DOCK5: variants seen among roughly 807,000 people sequenced by gnomAD.
The protein encoded by DOCK5 is dedicator of cytokinesis protein 5.
A neutral mutation model predicts 251.8 loss-of-function variants in DOCK5; 142 were observed. That is an observed-to-expected ratio of 0.56 (90% CI 0.49 to 0.65). The LOEUF (loss-of-function observed/expected upper bound fraction) is 0.65. DOCK5 is among the 30% of genes least tolerant of loss of function. The probability of loss-of-function intolerance (pLI) is 0.00; values close to 1 mark genes in which losing one functional copy is unlikely to be tolerated. For missense variants in DOCK5, 2,111 were observed against 2,312.3 expected, an observed-to-expected ratio of 0.91 and a Z score of 1.79; for synonymous variants, 842 against 835.5, an observed-to-expected ratio of 1.01 and a Z score of -0.13.
intron 1 of DOCK5, among the ~76,000 whole-genome samples, chr8:25,205,017 A>C (rs1801966934): frequency 1.5e-5 from 2 of 130,946 alleles, no homozygotes; most frequent in Non-Finnish European, 3.4e-5. Flanking sequence ...TCATGAGGGG[A>C]TTAGTGCTTT....
chr8:25,259,567 C>G (rs1185926360), intron 2 of DOCK5, among the ~76,000 whole-genome samples: 1 of 152,144 alleles, frequency 6.6e-6, no homozygotes, highest in Non-Finnish European at 1.5e-5. Flanking sequence ...GTGATCCTCC[C>G]GCCTCAGCTT....
intron 32 of DOCK5, 52 bp from the exon 33 acceptor site, chr8:25,368,519 C>T (rs2117279643): frequency 6.5e-7 from 1 of 1,547,872 alleles, no homozygotes; most frequent in South Asian, 1.2e-5. Context: ...GATTTTAACA[C>T]TTTACTTTCA....
chr8:25,278,765 G>T, intron 5 of DOCK5, 100 bp downstream of exon 5: 1 of 1,048,684 alleles, frequency 9.5e-7, no homozygotes, highest in Non-Finnish European at 1.4e-6. Flanking sequence ...ACTTCATGGA[G>T]TGGGATGCAT....
In DOCK5 at chr8:25,211,019, C is replaced by G. The variant is rs961792091; in HGVS notation, c.43+26068C>G. Among the ~76,000 whole-genome samples the G allele has an allele frequency of 1.6e-4, 11 of 70,252 alleles. 3 individuals are homozygous for G. The highest frequency in any genetic ancestry group is 4.8e-4 in the Admixed American group (3 of 6,282). 46.1% of individuals were successfully genotyped at this position (70,252 alleles called of 152,430 possible). Reference sequence around the variant, plus strand: ...TAATAATGGTTATTGATAAGCCACCCATTCATTTCATAGGCTTGGTTCATT... The same window carrying G: ...TAATAATGGTTATTGATAAGCCACCGATTCATTTCATAGGCTTGGTTCATT... On this transcript the variant is annotated intron_variant, in intron 1 of 51. Coordinates refer to ENST00000276440, the MANE Select transcript of DOCK5 (RefSeq NM_024940.8).
chr8:25,197,869 G>A (rs565483804), intron 1 of DOCK5, among the ~76,000 whole-genome samples: 185 of 151,346 alleles, frequency 1.2e-3, no homozygotes, highest in African/African-American at 4.3e-3. Flanking sequence ...TCCTGCCTCA[G>A]CCTCCTGAGC....
chr8:25,297,685 A>G (rs1196804379), intron 7 of DOCK5, among the ~76,000 whole-genome samples: 1 of 152,170 alleles, frequency 6.6e-6, no homozygotes. Flanking sequence ...CACTGCACCC[A>G]GGCTAAAATA....
intron 2 of DOCK5, among the ~76,000 whole-genome samples, chr8:25,266,061 T>C (rs536304585): frequency 6.6e-6 from 1 of 151,948 alleles, no homozygotes; most frequent in East Asian, 1.9e-4. Context: ...TTCCCCTAAA[T>C]GTAGGCAAGA....
intron 47 of DOCK5, among the ~76,000 whole-genome samples, chr8:25,403,324 T>C (rs1403037596): frequency 6.6e-6 from 1 of 152,202 alleles, no homozygotes; most frequent in Non-Finnish European, 1.5e-5. Context: ...CAACTTTTTC[T>C]CTAGTCTTAG....
chr8:25,270,860 G>A (rs547118608), intron 3 of DOCK5: 5 of 703,474 alleles, frequency 7.1e-6, no homozygotes, highest in Admixed American at 4.0e-5. Flanking sequence ...AAATGGCATA[G>A]TATTTGCATA....
intron 1 of DOCK5, among the ~76,000 whole-genome samples, chr8:25,188,339 G>A (rs1057102664): frequency 6.6e-5 from 10 of 152,234 alleles, no homozygotes; most frequent in Non-Finnish European, 1.2e-4. Flanking sequence ...TTCTCTAAGT[G>A]TGTACTGGTC....
chr8:25,279,704 G>A (rs902917076), intron 5 of DOCK5, among the ~76,000 whole-genome samples: 1 of 151,782 alleles, frequency 6.6e-6, no homozygotes. Context: ...TGCAACCTCC[G>A]CCTCCCAAGT....
chr8:25,383,512 T>G (rs898032952), intron 40 of DOCK5, among the ~76,000 whole-genome samples: 8 of 152,192 alleles, frequency 5.3e-5, no homozygotes, highest in African/African-American at 1.9e-4. Flanking sequence ...CTCATGGATT[T>G]TACAACCTAA....
chr8:25,222,895 C>T (rs1054456683), intron 1 of DOCK5, among the ~76,000 whole-genome samples: 3 of 152,328 alleles, frequency 2.0e-5, no homozygotes, highest in Non-Finnish European at 4.4e-5. Context: ...TTGGCAGCTA[C>T]GTCGCCAGCA....
intron 13 of DOCK5, among the ~76,000 whole-genome samples, chr8:25,314,954 C>A (rs1213081164): frequency 6.7e-6 from 1 of 149,550 alleles, no homozygotes; most frequent in Non-Finnish European, 1.5e-5. Flanking sequence ...ACGATGACCT[C>A]TTCCCTGGAC....
At chr8:25,235,325 A>G (rs1802767992) in intron 1 of DOCK5, among the ~76,000 whole-genome samples, 1 of 152,124 alleles carries the variant, frequency 6.6e-6, no homozygotes, top group African/African-American at 2.4e-5. Flanking sequence ...GACTGCTACA[A>G]TCTCAGCTCA....
intron 8 of DOCK5, 46 bp downstream of exon 8, chr8:25,299,147 C>T (rs781647909): frequency 2.8e-5 from 44 of 1,591,378 alleles, no homozygotes; most frequent in Non-Finnish European, 3.2e-5. Context: ...CAAAGATACC[C>T]AGCCTTCCCC....
rs781712376 is a variant in DOCK5 at position 25,372,586 on chromosome 8, A to C, written c.3552A>C (p.Lys1184Asn). 1.3e-6 allele frequency: 2 copies of C among 1,586,142 alleles called. No homozygotes were observed. Among genetic ancestry groups the C allele is most frequent in the South Asian group, 2.3e-5 (2 of 85,850 alleles). ...KLLLEHCRKH[K>N]YLSSSGEVFA... Reference sequence around the variant, plus strand: ...TCCTAGAACATTGCCGGAAACACAAATACCTCTCCAGCTCTGGGGAGGTCT... The same window carrying C: ...TCCTAGAACATTGCCGGAAACACAACTACCTCTCCAGCTCTGGGGAGGTCT... The change falls in exon 35 of 52, where the codon AAA becomes AAC. Residue 1184 changes from lysine to asparagine, a missense_variant. By Grantham distance (94) the Lys-to-Asn change is moderately conservative (BLOSUM62 0). This residue lies in a region of DOCK5 where 1,717 missense variants were observed against 1,892.4 expected (regional missense o/e 0.91). Transcript: ENST00000276440.
intron 1 of DOCK5, among the ~76,000 whole-genome samples, chr8:25,207,058 C>G (rs953214727): frequency 1.3e-5 from 2 of 152,156 alleles, no homozygotes; most frequent in African/African-American, 2.4e-5. Flanking sequence ...CTTGCAATAC[C>G]GTGGCATCAC....
At chr8:25,251,659 G>A (rs1803272190) in intron 2 of DOCK5, among the ~76,000 whole-genome samples, 1 of 152,190 alleles carries the variant, frequency 6.6e-6, no homozygotes, top group Non-Finnish European at 1.5e-5. Flanking sequence ...AATTTTGTCT[G>A]CATGTTTGCC....
Sources: gnomAD v4.1 joint callset for allele counts (sites outside exome capture counted in the v4.1 genomes callset) on GRCh38, gnomAD v4.1.1 for gene constraint, gnomAD v4.1.1 regional missense constraint, MANE v1.5 for transcripts, NCBI Gene and HGNC (gene_info 2026-07-23, HGNC 2026-07-21) for gene names.